The following LGI1 variants were observed in gnomAD, a reference collection of about 807,000 sequenced individuals.
LGI1 encodes the protein leucine-rich glioma-inactivated protein 1.
LGI1 carries 11 observed loss-of-function variants against 57.7 expected under a neutral mutation model. The ratio of observed to expected loss-of-function variants is 0.19; its 90% CI spans 0.12 to 0.32. The LOEUF is 0.32. Ranked by LOEUF, LGI1 falls within the 10% of genes least tolerant of loss-of-function variation. The probability of loss-of-function intolerance (pLI) is 1.00; values close to 1 mark genes in which losing one functional copy is unlikely to be tolerated. For missense variants in LGI1, 422 were observed against 661.9 expected (o/e 0.64, Z 3.98); for synonymous variants, 222 against 241.9 (o/e 0.92, Z 0.76).
intron 2 of LGI1, chr10:93,763,339 T>G (rs2059643408): frequency 6.6e-6 from 1 of 152,340 alleles, no homozygotes; most frequent in Non-Finnish European, 1.5e-5. Flanking sequence ...CTGCAGGATC[T>G]CATTCTATGA....
intron 2 of LGI1, among the ~76,000 whole-genome samples, chr10:93,774,518 T>A (rs2133997049): frequency 6.6e-6 from 1 of 152,322 alleles, no homozygotes; most frequent in Admixed American, 6.5e-5. Context: ...GCATCCTTTA[T>A]CCTTTAGCTT....
intron 4 of LGI1, among the ~76,000 whole-genome samples, chr10:93,784,757 C>T (rs191711416): frequency 8.5e-5 from 13 of 152,208 alleles, no homozygotes; most frequent in African/African-American, 3.1e-4. Flanking sequence ...TCTTGGCTAA[C>T]AGATCTTTGC....
At chr10:93,784,993 T>C (rs1336284980) in intron 4 of LGI1, among the ~76,000 whole-genome samples, 3 of 152,248 alleles carry the variant, frequency 2.0e-5, no homozygotes, top group Non-Finnish European at 2.9e-5. Flanking sequence ...TGATAATTAT[T>C]ATTTCTCTCC....
chr10:93,768,582 T>C (rs1354928825), intron 2 of LGI1: 1 of 152,076 alleles, frequency 6.6e-6, no homozygotes. Flanking sequence ...TGCCAATTCC[T>C]AGAAAGGAAG....
At chr10:93,784,007 A>G (rs929584977) in intron 4 of LGI1, among the ~76,000 whole-genome samples, 1 of 152,186 alleles carries the variant, frequency 6.6e-6, no homozygotes, top group African/African-American at 2.4e-5. Flanking sequence ...GTGAGACTCC[A>G]TCTCAAAATA....
At chr10:93,761,695 A>G (rs2059625140) in intron 2 of LGI1, among the ~76,000 whole-genome samples, 1 of 152,230 alleles carries the variant, frequency 6.6e-6, no homozygotes, top group Non-Finnish European at 1.5e-5. Context: ...CACATTCCGT[A>G]GAGAAGAGAG....
intron 2 of LGI1, among the ~76,000 whole-genome samples, chr10:93,775,392 A>T (rs1269994763): frequency 6.6e-6 from 1 of 152,174 alleles, no homozygotes. Context: ...TGTAGTTCTC[A>T]CCAGAGGTTT....
At chr10:93,777,500 C>T in intron 3 of LGI1, 46 bp from the exon 4 acceptor site, 4 of 1,604,284 alleles carry the variant, frequency 2.5e-6, no homozygotes, top group Non-Finnish European at 3.4e-6. Context: ...CAAGTACTCT[C>T]AAGTTCCTGT....
intron 5 of LGI1, chr10:93,790,854 C>T (rs1027465388): frequency 3.9e-5 from 6 of 152,218 alleles, no homozygotes; most frequent in African/African-American, 1.4e-4. Flanking sequence ...TTCTCAAAAG[C>T]AATTCAGCTT....
At chr10:93,790,300 A>G (rs1472961646) in intron 5 of LGI1, 130 bp downstream of exon 5, 8 of 841,116 alleles carry the variant, frequency 9.5e-6, no homozygotes, top group Admixed American at 2.9e-5. Context: ...CTAAATTTTA[A>G]CTGGCCAAAA....
chr10:93,787,404 C>G (rs375553864), intron 4 of LGI1, among the ~76,000 whole-genome samples: 1 of 152,312 alleles, frequency 6.6e-6, no homozygotes, highest in East Asian at 1.9e-4. Context: ...CCAGCCTGTC[C>G]TTCTCAGCCC....
intron 2 of LGI1, among the ~76,000 whole-genome samples, chr10:93,761,892 C>T (rs1162692960): frequency 6.6e-6 from 1 of 152,160 alleles, no homozygotes. Flanking sequence ...TTCTAGCTTG[C>T]TTTTAGTGAT....
chr10:93,786,870 G>A (rs535212451), intron 4 of LGI1, among the ~76,000 whole-genome samples: 72 of 152,218 alleles, frequency 4.7e-4, no homozygotes, highest in African/African-American at 1.6e-3. Flanking sequence ...CTGGGATTAC[G>A]GGCGTGAGCC....
intron 2 of LGI1, chr10:93,765,669 T>C (rs1267141497): frequency 6.6e-6 from 1 of 152,136 alleles, no homozygotes; most frequent in Non-Finnish European, 1.5e-5. Context: ...AATGGCATGG[T>C]TAAAGAAATG....
At chr10:93,766,065 T>C (rs2059673924) in intron 2 of LGI1, among the ~76,000 whole-genome samples, 1 of 151,836 alleles carries the variant, frequency 6.6e-6, no homozygotes, top group African/African-American at 2.4e-5. Flanking sequence ...ACTCATAATA[T>C]GAAACTGGCT....
intron 4 of LGI1, among the ~76,000 whole-genome samples, chr10:93,787,576 T>C (rs1338191206): frequency 1.3e-5 from 2 of 152,164 alleles, no homozygotes; most frequent in African/African-American, 4.8e-5. Flanking sequence ...GCTCTACTCC[T>C]TTGGGCAGGA....
In LGI1 at chr10:93,797,634, A is replaced by G; in HGVS notation, c.1505A>G (p.Tyr502Cys). ...LGSDYSFTQV[Y>C]NWDAEKAKFV... ...AGTGATTACTCCTTTACTCAAGTGT[A>G]TAACTGGGATGCAGAGAAAGCCAAA... The change falls in exon 8 of 8, where the codon TAT becomes TGT. Residue 502 changes from tyrosine (Y) to cysteine (C), a missense_variant. This residue lies in a region of LGI1 where 301 missense variants were observed against 461.7 expected (regional missense o/e 0.65). Transcript: ENST00000371418. The surrounding 1 kb of genome is among the most constrained non-coding windows in gnomAD (Gnocchi z 6.5). 3 of 1,614,204 alleles carry G rather than the reference A, an allele frequency of 1.9e-6. No individual in the cohort carries two copies. Among genetic ancestry groups the G allele is most frequent in the Non-Finnish European group, 2.5e-6 (3 of 1,180,026 alleles).
intron 4 of LGI1, among the ~76,000 whole-genome samples, chr10:93,785,278 T>A (rs1390573667): frequency 6.6e-6 from 1 of 152,200 alleles, no homozygotes. Flanking sequence ...AGAAAAAGAT[T>A]AGTTTTGTGG....
intron 4 of LGI1, 130 bp from the exon 5 acceptor site, chr10:93,789,967 GAA>G: frequency 2.4e-6 from 2 of 844,018 alleles, no homozygotes; most frequent in Non-Finnish European, 1.8e-6. Context: ...TAGTTCAGAA[GAA>G]AAAAAAAGGA....
Sources: allele counts gnomAD v4.1 joint callset (sites outside exome capture counted in the v4.1 genomes callset), GRCh38; gene constraint gnomAD v4.1.1; regional missense constraint gnomAD v4.1.1; non-coding constraint Gnocchi (gnomAD v3.1); transcripts MANE v1.5; gene names NCBI Gene and HGNC (gene_info 2026-07-23, HGNC 2026-07-21).